DHRS13: variants seen among roughly 807,000 people sequenced by gnomAD.
The protein encoded by DHRS13 is dehydrogenase/reductase 13.
Under a neutral mutation model 17.9 loss-of-function variants are expected in DHRS13, and 22 were observed. The observed-to-expected ratio is 1.23, with a 90% CI of 0.88 to 1.75. The LOEUF (loss-of-function observed/expected upper bound fraction) is 1.75, where lower values mean the gene tolerates loss of function less well. Ranked by LOEUF, DHRS13 falls within the 40% of genes most tolerant of loss-of-function variation. The probability of loss-of-function intolerance (pLI) is 0.00; values close to 1 mark genes in which losing one functional copy is unlikely to be tolerated. For missense variants in DHRS13, 483 were observed against 519.9 expected (o/e 0.93, Z 0.69); for synonymous variants, 206 against 220.4 (o/e 0.93, Z 0.58).
At position 28,900,519 on chromosome 17, in the gene DHRS13, C is replaced by T. The variant is rs375978654; in HGVS notation, c.682+471G>A. Among the ~76,000 whole-genome samples, 24 of 152,264 alleles carry T rather than the reference C, an allele frequency of 1.6e-4. No individual in the cohort carries two copies. The East Asian group carries it at 2.3e-3, about 15-fold the overall frequency. Reference sequence around the variant, plus strand: ...AGAGCACTCTATCACCACCCCTCATCGTATATATTTATTGGCTGTCTCCCT... The same window carrying T: ...AGAGCACTCTATCACCACCCCTCATTGTATATATTTATTGGCTGTCTCCCT... On this transcript the variant is annotated intron_variant, in intron 4 of 4. Transcript: ENST00000378895.
chr17:28,898,436 G>T lies in DHRS13; in HGVS notation c.*5C>A. On this transcript the variant is annotated 3_prime_UTR_variant, in exon 5 of 5. Transcript: ENST00000378895. ...AGTGCCATGGCAAGCATCCTGGCCTGAGGGTTAGGAGAGCTGGATCTCAGG... is the reference window on the plus strand; with the variant it reads ...AGTGCCATGGCAAGCATCCTGGCCTTAGGGTTAGGAGAGCTGGATCTCAGG... 6.4e-7 allele frequency: 1 copy of T among 1,551,550 alleles called. No homozygotes were observed. Among genetic ancestry groups the T allele is most frequent in the South Asian group, 1.2e-5 (1 of 83,952 alleles).
In DHRS13 at chr17:28,900,978, AC is replaced by A. The variant is rs770518458; in HGVS notation, c.682+11del. ...GGAGAGGGGAATCGGAAGCCAAAGA[AC>A]CAGACCTCACCTGGGTGGGCTGCAT... On this transcript the variant is annotated intron_variant, in intron 4 of 4. Coordinates refer to ENST00000378895, the MANE Select transcript of DHRS13 (RefSeq NM_144683.4). 3 of 1,573,306 alleles carry A rather than the reference AC, an allele frequency of 1.9e-6. No individual in the cohort carries two copies. Among genetic ancestry groups the A allele is most frequent in the Non-Finnish European group, 2.6e-6 (3 of 1,155,710 alleles).
In DHRS13 at chr17:28,901,601, C is replaced by A. The variant is rs145399492; in HGVS notation, c.262G>T (p.Glu88Ter). The change falls in exon 3 of 5, where the codon GAG becomes TAG. Residue 88 changes from glutamate (E) to a stop codon, truncating the protein, a stop_gained. Transcript: ENST00000378895. LOFTEE classifies it high-confidence loss of function. This position sits in a 1 kb window ranked among gnomAD's most constrained non-coding sequence, Gnocchi z 4.3. ...FDLRQESGNN[E>*]VIFMALDLAS... ...AAGTCCAAGGCCATGAAGATGACCT[C>A]ATTGTTCCCACTCTCCTGTGGAGAG... The A allele has an allele frequency of 6.2e-7, 1 of 1,614,250 alleles. No homozygotes were observed. Among genetic ancestry groups the A allele is most frequent in the Non-Finnish European group, 8.5e-7 (1 of 1,180,042 alleles).
rs754648726 is a variant in DHRS13 at position 28,898,632 on chromosome 17, G to A, written c.943C>T (p.Pro315Ser). 4 of 1,613,606 alleles carry A rather than the reference G, an allele frequency of 2.5e-6. No individual in the cohort carries two copies. The African/African-American group carries it at 5.3e-5, about 22-fold the overall frequency. Residue 315 changes from proline (P) to serine (S), a missense_variant, in exon 5 of 5, where the codon CCT becomes TCT. Coordinates refer to ENST00000378895, the MANE Select transcript of DHRS13 (RefSeq NM_144683.4). ...EASKRLAGLG[P>S]GEDAEPDEDP... ...TCATCGGGTTCAGCATCCTCCCCAG[G>A]CCCAAGCCCTGCCAGCCTCTTGCTG...
rs1379997348 is a variant in DHRS13 at position 28,898,546 on chromosome 17, C to A, written c.1029G>T (p.Glu343Asp). 6.2e-7 allele frequency: 1 copy of A among 1,611,838 alleles called. No individual in the cohort carries two copies. The highest frequency in any genetic ancestry group is 1.7e-5 in the Admixed American group (1 of 59,320). Residue 343 changes from glutamate to aspartate, a missense_variant, in exon 5 of 5, where the codon GAG becomes GAT. Glu to Asp is a conservative substitution (Grantham distance 45). Transcript: ENST00000378895. The stretch of plus-strand genomic sequence containing the variant: ...TGGGGTAAGGTTGAGAAACTGTGGG[C>A]TCCTCAGGGTGGGGGGTGCTTAGAG... ...PSSLSTPHPE[E>D]PTVSQPYPSP...
Position 28,898,307 on chromosome 17 carries a change from G to C in DHRS13, c.*134C>G. The C allele has an allele frequency of 1.1e-6, 1 of 886,506 alleles. No individual in the cohort carries two copies. The highest frequency in any genetic ancestry group is 1.7e-6 in the Non-Finnish European group (1 of 581,520). 54.9% of individuals were successfully genotyped at this position (886,506 alleles called of 1,614,324 possible). A position where few individuals can be genotyped will look rare whatever the true frequency, so the allele number is the denominator to read the frequency against. On this transcript the variant is annotated 3_prime_UTR_variant, in exon 5 of 5. Coordinates refer to ENST00000378895, the MANE Select transcript of DHRS13 (RefSeq NM_144683.4). ...TCAACCAGGAAAAGAGATGTCCAGG[G>C]CACAGCTTGGGGCCCCAGAAAGTAA...
Position 28,902,512 on chromosome 17 carries a change from C to T in DHRS13, c.246+71G>A, listed in dbSNP as rs1166374858. 1.5e-6 allele frequency: 2 copies of T among 1,363,330 alleles called. No homozygotes were observed. The highest frequency in any genetic ancestry group is 1.9e-6 in the Non-Finnish European group (2 of 1,050,020). The allele number at this position is 1,363,330 out of a possible 1,614,324, so 84.5% of individuals were successfully genotyped here. ...TCCCTGGACCCGGATCCTCCGCAGC[C>T]CCTTTGCTGGCTTCTCTGTGTCCCG... On this transcript the variant is annotated intron_variant, in intron 2 of 4. Transcript: ENST00000378895. This position sits in a 1 kb window ranked among gnomAD's most constrained non-coding sequence, Gnocchi z 4.0.
rs1291292320 is a variant in DHRS13, at chr17:28,898,852, T to C, written c.723A>G (p.Gly241=). ...NSELFLRHVP[G]WLRPLLRPLA... is the part of the protein sequence containing the mutation. The stretch of plus-strand genomic sequence containing the variant: ...ATGGGCGCAAAAGTGGGCGCAGCCA[T>C]CCAGGAACATGGCGCAGGAACAGCT... The change falls in exon 5 of 5, where the codon GGA becomes GGG. Residue 241 remains glycine, a synonymous_variant. Coordinates refer to ENST00000378895, the MANE Select transcript of DHRS13 (RefSeq NM_144683.4). 6.2e-7 allele frequency: 1 copy of C among 1,602,498 alleles called. No homozygotes were observed.
rs1281593144 is a variant in DHRS13, at chr17:28,899,867, C to T, written c.683-975G>A. Among the ~76,000 whole-genome samples the T allele has an allele frequency of 6.6e-6, 1 of 152,046 alleles. No homozygotes were observed. Among genetic ancestry groups the T allele is most frequent in the East Asian group, 1.9e-4 (1 of 5,190 alleles). ...GGACTACAGGTGATAGCCACAATGC[C>T]TAGCTAATTTTTGTATTTGTAGTAG... On this transcript the variant is annotated intron_variant, in intron 4 of 4. Transcript: ENST00000378895. This position sits in a 1 kb window ranked among gnomAD's most constrained non-coding sequence, Gnocchi z 4.7.
Position 28,902,440 on chromosome 17 carries a change from C to T in DHRS13, c.246+143G>A. 1.1e-6 allele frequency: 1 copy of T among 899,610 alleles called. No homozygotes were observed. The highest frequency in any genetic ancestry group is 1.5e-6 in the Non-Finnish European group (1 of 650,538). The allele number at this position is 899,610 out of a possible 1,614,324, so 55.7% of individuals were successfully genotyped here. A position where few individuals can be genotyped will look rare whatever the true frequency, so the allele number is the denominator to read the frequency against. ...GCGCCTTCCTCGGGTGACCCCAGCG[C>T]TCCGTGCACTCCCTCTTCGCGCTCA... On this transcript the variant is annotated intron_variant, in intron 2 of 4. Transcript: ENST00000378895. The surrounding 1 kb of genome is among the most constrained non-coding windows in gnomAD (Gnocchi z 4.0).
chr17:28,898,618 A>G lies in DHRS13; in HGVS notation c.957T>C (p.Ala319=), dbSNP rs753485919. 1 of 1,613,698 alleles carries G rather than the reference A, an allele frequency of 6.2e-7. No individual in the cohort carries two copies. Among genetic ancestry groups the G allele is most frequent in the East Asian group, 2.2e-5 (1 of 44,878 alleles). The part of the protein sequence containing the change: ...RLAGLGPGED[A]EPDEDPQSED... ...CAGACTGGGGGTCTTCATCGGGTTC[A>G]GCATCCTCCCCAGGCCCAAGCCCTG... The change falls in exon 5 of 5, where the codon GCT becomes GCC. Residue 319 remains alanine (A), a synonymous_variant. Coordinates refer to ENST00000378895, the MANE Select transcript of DHRS13 (RefSeq NM_144683.4).
At position 28,901,567 on chromosome 17, in the gene DHRS13, A is replaced by C; in HGVS notation, c.296T>G (p.Leu99Arg). The change falls in exon 3 of 5, where the codon CTG (leucine) becomes CGG (arginine). Residue 99 changes from leucine (L) to arginine (R), a missense_variant. By Grantham distance (102) the Leu-to-Arg change is moderately radical (BLOSUM62 -2). Transcript: ENST00000378895. This position sits in a 1 kb window ranked among gnomAD's most constrained non-coding sequence, Gnocchi z 4.3. ...VIFMALDLAS[L>R]ASVRAFATAF... ...AGTGGCAAAGGCCCGCACCGAGGCC[A>C]GACTGGCCAAGTCCAAGGCCATGAA... 2.5e-6 allele frequency: 4 copies of C among 1,614,204 alleles called. No individual in the cohort carries two copies. The highest frequency in any genetic ancestry group is 3.4e-6 in the Non-Finnish European group (4 of 1,180,028).
rs888542178 is a variant in DHRS13 at position 28,899,744 on chromosome 17, G to C, written c.683-852C>G. ...TGTTTTGGAGACAGAGTCTCGCTCTGTCACCCAGGCTGGAGTACAGTGGCG... is the reference window on the plus strand; with the variant it reads ...TGTTTTGGAGACAGAGTCTCGCTCTCTCACCCAGGCTGGAGTACAGTGGCG... On this transcript the variant is annotated intron_variant, in intron 4 of 4. Transcript: ENST00000378895. This position sits in a 1 kb window ranked among gnomAD's most constrained non-coding sequence, Gnocchi z 4.7. Among the ~76,000 whole-genome samples the C allele has an allele frequency of 2.0e-5, 3 of 152,128 alleles. No individual in the cohort carries two copies. Among genetic ancestry groups the C allele is most frequent in the African/African-American group, 4.8e-5 (2 of 41,418 alleles).
Position 28,901,026 on chromosome 17 carries a change from C to T in DHRS13, c.646G>A (p.Glu216Lys). 6.2e-7 allele frequency: 1 copy of T among 1,610,190 alleles called. No homozygotes were observed. The highest frequency in any genetic ancestry group is 1.1e-5 in the South Asian group (1 of 90,726). Reference protein sequence around the residue: ...LFARELANQLEATGVTCYAAH... With the variant: ...LFARELANQLKATGVTCYAAH... ...GCATAGCAGGTGACGCCAGTGGCCT[C>T]AAGCTGGTTGGCGAGCTCCCGGGCA... The change falls in exon 4 of 5, where the codon GAG becomes AAG. Residue 216 changes from glutamate (E) to lysine (K), a missense_variant. Coordinates refer to ENST00000378895, the MANE Select transcript of DHRS13 (RefSeq NM_144683.4). This position sits in a 1 kb window ranked among gnomAD's most constrained non-coding sequence, Gnocchi z 4.3.
Position 28,901,753 on chromosome 17 carries a change from G to T in DHRS13, c.247-137C>A, listed in dbSNP as rs2039807762. ...GTGTCTTAGAGTGTACTAGATAAGT[G>T]TGTGGATTCAAATCCTGACTTTGCC... On this transcript the variant is annotated intron_variant, in intron 2 of 4. Coordinates refer to ENST00000378895, the MANE Select transcript of DHRS13 (RefSeq NM_144683.4). This position sits in a 1 kb window ranked among gnomAD's most constrained non-coding sequence, Gnocchi z 4.3. 1 of 1,395,794 alleles carries T rather than the reference G, an allele frequency of 7.2e-7. No homozygotes were observed. The highest frequency in any genetic ancestry group is 9.5e-7 in the Non-Finnish European group (1 of 1,053,660). 86.5% of individuals were successfully genotyped at this position (1,395,794 alleles called of 1,614,324 possible). A position where few individuals can be genotyped will look rare whatever the true frequency, so the allele number is the denominator to read the frequency against.
In DHRS13 at chr17:28,901,235, G is replaced by A. The variant is rs551981860; in HGVS notation, c.437C>T (p.Pro146Leu). The stretch of plus-strand genomic sequence containing the variant: ...CAGCAGCAGATGTGTCAGCAGAAAG[G>A]GACCGATATGGTTCACCCGAAGCAG... ...NLLLRVNHIG[P>L]FLLTHLLLPC... Residue 146 changes from proline (P) to leucine (L), a missense_variant, in exon 4 of 5, where the codon CCC becomes CTC. By Grantham distance (98) the Pro-to-Leu change is moderately conservative (BLOSUM62 -3). Coordinates refer to ENST00000378895, the MANE Select transcript of DHRS13 (RefSeq NM_144683.4). The surrounding 1 kb of genome is among the most constrained non-coding windows in gnomAD (Gnocchi z 4.3). 2.7e-5 allele frequency: 44 copies of A among 1,614,188 alleles called. No individual in the cohort carries two copies. Among genetic ancestry groups the A allele is most frequent in the Non-Finnish European group, 3.6e-5 (43 of 1,180,024 alleles).
chr17:28,902,453 C>G lies in DHRS13; in HGVS notation c.246+130G>C, dbSNP rs2039814119. The stretch of plus-strand genomic sequence containing the variant: ...GTGACCCCAGCGCTCCGTGCACTCC[C>G]TCTTCGCGCTCAGCCGCCCGCGCCG... On this transcript the variant is annotated intron_variant, in intron 2 of 4. Coordinates refer to ENST00000378895, the MANE Select transcript of DHRS13 (RefSeq NM_144683.4). The surrounding 1 kb of genome is among the most constrained non-coding windows in gnomAD (Gnocchi z 4.0). The G allele has an allele frequency of 6.9e-6, 7 of 1,018,566 alleles. No individual in the cohort carries two copies. Among genetic ancestry groups the G allele is most frequent in the Non-Finnish European group, 9.3e-6 (7 of 756,522 alleles). The allele number at this position is 1,018,566 out of a possible 1,614,324, so 63.1% of individuals were successfully genotyped here. A position where few individuals can be genotyped will look rare whatever the true frequency, so the allele number is the denominator to read the frequency against.
In DHRS13 at chr17:28,902,595, G is replaced by A. The variant is rs1475686330; in HGVS notation, c.234C>T (p.Phe78=). 2.0e-6 allele frequency: 3 copies of A among 1,478,298 alleles called. No individual in the cohort carries two copies. Among genetic ancestry groups the A allele is most frequent in the African/African-American group, 1.5e-5 (1 of 68,202 alleles). 91.6% of individuals were successfully genotyped at this position (1,478,298 alleles called of 1,614,324 possible). Residue 78 remains phenylalanine (F), a synonymous_variant, in exon 2 of 5, where the codon TTC becomes TTT. Coordinates refer to ENST00000378895, the MANE Select transcript of DHRS13 (RefSeq NM_144683.4). The surrounding 1 kb of genome is among the most constrained non-coding windows in gnomAD (Gnocchi z 4.0). The part of the protein sequence containing the change: ...RSQERGEAAA[F]DLRQESGNNE... ...CGCTGCCTCTCACCTGGCGGAGGTCGAAGGCAGCCGCCTCCCCGCGCTCCT... is the reference window on the plus strand; with the variant it reads ...CGCTGCCTCTCACCTGGCGGAGGTCAAAGGCAGCCGCCTCCCCGCGCTCCT...
rs1041118164 is a variant in DHRS13, at chr17:28,898,967, C to T, written c.683-75G>A. 1.2e-5 allele frequency: 17 copies of T among 1,423,218 alleles called. No homozygotes were observed. The Admixed American group carries it at 1.4e-4, about 11-fold the overall frequency. The allele number at this position is 1,423,218 out of a possible 1,614,324, so 88.2% of individuals were successfully genotyped here. On this transcript the variant is annotated intron_variant, in intron 4 of 4. Coordinates refer to ENST00000378895, the MANE Select transcript of DHRS13 (RefSeq NM_144683.4). ...TTTACAGTCACAGCTACTCGGGAGG[C>T]GGAGCAGGAGGATCACTTGAGCCCA... is the stretch of plus-strand genomic sequence containing the variant.
Sources: allele counts gnomAD v4.1 joint callset (sites outside exome capture counted in the v4.1 genomes callset), GRCh38; gene constraint gnomAD v4.1.1; non-coding constraint Gnocchi (gnomAD v3.1); transcripts MANE v1.5; gene names NCBI Gene and HGNC (gene_info 2026-07-23, HGNC 2026-07-21).